RASGRP2: variants seen among roughly 807,000 people sequenced by gnomAD.
RASGRP2 encodes RAS guanyl-releasing protein 2.
Under a neutral mutation model 71.0 loss-of-function variants are expected in RASGRP2, and 44 were observed. The observed-to-expected ratio is 0.62, with a 90% CI of 0.49 to 0.80. The LOEUF (loss-of-function observed/expected upper bound fraction) is 0.80. Among genes scored for constraint, RASGRP2 ranks in the 30% least tolerant of loss-of-function variants. RASGRP2 has a pLI of 0.00. For missense variants in RASGRP2, 663 were observed against 813.4 expected (o/e 0.82, Z 2.25); for synonymous variants, 350 against 330.7 (o/e 1.06, Z -0.63).
At chr11:64,740,549 A>G in intron 5 of RASGRP2, 1 of 647,582 alleles carries the variant, frequency 1.5e-6, no homozygotes, top group Non-Finnish European at 2.9e-6. Context: ...TGGAAAACAG[A>G]GGTGGGAACG....
rs2058141091 is a variant in RASGRP2 at position 64,742,009 on chromosome 11, T to C, written c.176+1A>G. 4.4e-6 allele frequency: 7 copies of C among 1,606,932 alleles called. No individual in the cohort carries two copies. The highest frequency in any genetic ancestry group is 5.9e-6 in the Non-Finnish European group (7 of 1,176,620). On this transcript the variant is annotated splice_donor_variant, in intron 3 of 16. Transcript: ENST00000394432. LOFTEE classifies it high-confidence loss of function. This position sits in a 1 kb window ranked among gnomAD's most constrained non-coding sequence, Gnocchi z 4.7. ...GCCTTGGCAAGGCCGGCGAAGGATATATGTGGAGCAGCTTGGCCGCCAGCT... is the reference window on the plus strand; with the variant it reads ...GCCTTGGCAAGGCCGGCGAAGGATACATGTGGAGCAGCTTGGCCGCCAGCT...
chr11:64,726,996 C>T lies in RASGRP2; in HGVS notation c.*142G>A. ...CTGTACAACCTTAGGGACACCAGCC[C>T]TGGCCCTGCCCTCAGCTGCATGCCA... On this transcript the variant is annotated 3_prime_UTR_variant, in exon 17 of 17. Coordinates refer to ENST00000394432, the MANE Select transcript of RASGRP2 (RefSeq NM_001098671.2). 2 of 417,440 alleles carry T rather than the reference C, an allele frequency of 4.8e-6. No homozygotes were observed. The highest frequency in any genetic ancestry group is 4.3e-5 in the South Asian group (2 of 46,188). 25.9% of individuals were successfully genotyped at this position (417,440 alleles called of 1,614,324 possible).
rs188073054 is a variant in RASGRP2, at chr11:64,731,451, A to C, written c.1413-1257T>G. Among the ~76,000 whole-genome samples, 149 of 152,262 alleles carry C rather than the reference A, an allele frequency of 9.8e-4. No individual in the cohort carries two copies. The Middle Eastern group carries it at 0.01, about 10-fold the overall frequency. On this transcript the variant is annotated intron_variant, in intron 12 of 16. Transcript: ENST00000394432. ...CAGAACACAAATCCAAGAAGCCAGA[A>C]AGGAAAAGACTGACATATTGAGCAC...
Position 64,740,627 on chromosome 11 carries a change from T to C in RASGRP2, c.371+321A>G, listed in dbSNP as rs141481926. On this transcript the variant is annotated intron_variant, in intron 5 of 16. Transcript: ENST00000394432. ...GGAGACTTCATGCCTGAACTGAGTC[T>C]TGGTAACACGGAGGAGGCAGCAAGG... is the stretch of plus-strand genomic sequence containing the variant. The C allele has an allele frequency of 2.7e-3, 1,726 of 649,638 alleles. 9 individuals are homozygous for C. The highest frequency in any genetic ancestry group is 2.7e-3 in the Non-Finnish European group (955 of 352,784). The allele number at this position is 649,638 out of a possible 1,614,324, so 40.2% of individuals were successfully genotyped here.
At position 64,736,000 on chromosome 11, in the gene RASGRP2, T is replaced by A; in HGVS notation, c.1096-20A>T. On this transcript the variant is annotated intron_variant, in intron 9 of 16. Coordinates refer to ENST00000394432, the MANE Select transcript of RASGRP2 (RefSeq NM_001098671.2). The surrounding 1 kb of genome is among the most constrained non-coding windows in gnomAD (Gnocchi z 4.2). The stretch of plus-strand genomic sequence containing the variant: ...AGACACCTGGGACACACAGATCTGA[T>A]CACCCCCACTGGCCCCTGCCCACAG... 6.2e-7 allele frequency: 1 copy of A among 1,609,482 alleles called. No individual in the cohort carries two copies. The highest frequency in any genetic ancestry group is 8.5e-7 in the Non-Finnish European group (1 of 1,176,406).
rs1434956393 is a variant in RASGRP2, at chr11:64,735,012, A to G, written c.1412+100T>C. ...ACTGGCAGCTTCCCAGGCCAAGATC[A>G]TCTGGCTCAGTGACCTCATCTTGCA... On this transcript the variant is annotated intron_variant, in intron 12 of 16. Coordinates refer to ENST00000394432, the MANE Select transcript of RASGRP2 (RefSeq NM_001098671.2). This position sits in a 1 kb window ranked among gnomAD's most constrained non-coding sequence, Gnocchi z 4.2. 7 of 970,242 alleles carry G rather than the reference A, an allele frequency of 7.2e-6. No individual in the cohort carries two copies. The Admixed American group carries it at 1.3e-4, about 17-fold the overall frequency. 60.1% of individuals were successfully genotyped at this position (970,242 alleles called of 1,614,324 possible).
chr11:64,743,225 C>A lies in RASGRP2; in HGVS notation c.-71-288G>T, dbSNP rs1333398284. On this transcript the variant is annotated intron_variant, in intron 1 of 16. Transcript: ENST00000394432. The surrounding 1 kb of genome is among the most constrained non-coding windows in gnomAD (Gnocchi z 4.9). Reference sequence around the variant, plus strand: ...CCAGGACTGGCTGGCGCCCAGCCCCCCGCAGGGCGCCTTCTCCTCGCGCCC... The same window carrying A: ...CCAGGACTGGCTGGCGCCCAGCCCCACGCAGGGCGCCTTCTCCTCGCGCCC... 1.9e-6 allele frequency: 1 copy of A among 514,250 alleles called. No homozygotes were observed. The highest frequency in any genetic ancestry group is 3.8e-6 in the Non-Finnish European group (1 of 265,218). The allele number at this position is 514,250 out of a possible 1,614,324, so 31.9% of individuals were successfully genotyped here.
intron 12 of RASGRP2, among the ~76,000 whole-genome samples, chr11:64,730,867 G>A (rs765036305): frequency 6.6e-6 from 1 of 152,118 alleles, no homozygotes. Flanking sequence ...TAGGATTTTG[G>A]TGAGGATTAA....
In RASGRP2 at chr11:64,737,027, T is replaced by C; in HGVS notation, c.821A>G (p.Glu274Gly). 6.2e-7 allele frequency: 1 copy of C among 1,613,604 alleles called. No homozygotes were observed. Among genetic ancestry groups the C allele is most frequent in the African/African-American group, 1.3e-5 (1 of 74,942 alleles). The part of the protein sequence containing the change: ...HVSPETIKLW[E>G]GLTELVTATG... ...CGCCGTCACTAGTTCCGTGAGACCCTCCCAGAGCTGGGGACAAAGGACAGA... is the reference window on the plus strand; with the variant it reads ...CGCCGTCACTAGTTCCGTGAGACCCCCCCAGAGCTGGGGACAAAGGACAGA... The change falls in exon 9 of 17, where the codon GAG becomes GGG. Residue 274 changes from glutamate to glycine, a missense_variant. Glu to Gly is a moderately conservative substitution (Grantham distance 98). Transcript: ENST00000394432.
chr11:64,727,905 G>A (rs1213105561), intron 15 of RASGRP2, among the ~76,000 whole-genome samples: 5 of 152,164 alleles, frequency 3.3e-5, no homozygotes, highest in South Asian at 2.1e-4. Flanking sequence ...TTGCTTAAAT[G>A]TCAATTTTGT....
At chr11:64,741,846 G>A (rs1300262478) in intron 3 of RASGRP2, among the ~76,000 whole-genome samples, 164 bp downstream of exon 3, 1 of 152,184 alleles carries the variant, frequency 6.6e-6, no homozygotes, top group Non-Finnish European at 1.5e-5. Context: ...GGAGCAAGGA[G>A]GGGGCAGAGC....
At position 64,743,816 on chromosome 11, in the gene RASGRP2, C is replaced by T; in HGVS notation, c.-72+187G>A. 3.8e-6 allele frequency: 1 copy of T among 261,676 alleles called. No homozygotes were observed. The highest frequency in any genetic ancestry group is 7.0e-6 in the Non-Finnish European group (1 of 143,504). The allele number at this position is 261,676 out of a possible 1,614,324, so 16.2% of individuals were successfully genotyped here. ...CCGGTCACTGGCGGGGTCATACGCA[C>T]CCTGGCAGGGGCAAACACTCCACAC... On this transcript the variant is annotated intron_variant, in intron 1 of 16. Transcript: ENST00000394432. The surrounding 1 kb of genome is among the most constrained non-coding windows in gnomAD (Gnocchi z 4.9).
rs1049522242 is a variant in RASGRP2, at chr11:64,742,553, G to C, written c.73+241C>G. 13 of 607,764 alleles carry C rather than the reference G, an allele frequency of 2.1e-5. No individual in the cohort carries two copies. Among genetic ancestry groups the C allele is most frequent in the Non-Finnish European group, 3.8e-5 (13 of 343,368 alleles). 37.6% of individuals were successfully genotyped at this position (607,764 alleles called of 1,614,324 possible). A position where few individuals can be genotyped will look rare whatever the true frequency, so the allele number is the denominator to read the frequency against. ...TAATGCCCCTCAAGTGTCAGAGTCC[G>C]GGACCCGGCCCTCCCTTCGCCGCCG... On this transcript the variant is annotated intron_variant, in intron 2 of 16. Coordinates refer to ENST00000394432, the MANE Select transcript of RASGRP2 (RefSeq NM_001098671.2). This position sits in a 1 kb window ranked among gnomAD's most constrained non-coding sequence, Gnocchi z 4.7.
intron 4 of RASGRP2, 108 bp downstream of exon 4, chr11:64,741,331 G>A: frequency 7.7e-7 from 1 of 1,300,206 alleles, no homozygotes. Context: ...ACAAGCCAGG[G>A]TTCAAACCCA....
chr11:64,741,587 A>C (rs2058124505), intron 3 of RASGRP2, 86 bp from the exon 4 acceptor site: 1 of 1,212,644 alleles, frequency 8.2e-7, no homozygotes, highest in Non-Finnish European at 1.2e-6. Context: ...TGGTTCTAGG[A>C]GACACGTTCT....
chr11:64,730,857 T>C (rs1179044724), intron 12 of RASGRP2, among the ~76,000 whole-genome samples: 1 of 152,234 alleles, frequency 6.6e-6, no homozygotes, highest in East Asian at 1.9e-4. Flanking sequence ...CTACATTTCA[T>C]AGGATTTTGG....
At chr11:64,727,701 G>C (rs948930280) in intron 15 of RASGRP2, among the ~76,000 whole-genome samples, 1 of 151,968 alleles carries the variant, frequency 6.6e-6, no homozygotes, top group Non-Finnish European at 1.5e-5. Flanking sequence ...TTGTATTGTA[G>C]AGATGATGTT....
chr11:64,734,080 G>A (rs1313593303), intron 12 of RASGRP2, among the ~76,000 whole-genome samples: 1 of 151,910 alleles, frequency 6.6e-6, no homozygotes, highest in African/African-American at 2.4e-5. Flanking sequence ...GGGGGGCCAA[G>A]GCAGGTAGAT....
chr11:64,739,465 C>T lies in RASGRP2; in HGVS notation c.708G>A (p.Gln236=), dbSNP rs755407112. The T allele has an allele frequency of 2.5e-6, 4 of 1,614,168 alleles. No individual in the cohort carries two copies. The Admixed American group carries it at 5.0e-5, about 20-fold the overall frequency. The change falls in exon 8 of 17, where the codon CAG becomes CAA. Residue 236 remains glutamine (Q), a synonymous_variant. Coordinates refer to ENST00000394432, the MANE Select transcript of RASGRP2 (RefSeq NM_001098671.2). The surrounding 1 kb of genome is among the most constrained non-coding windows in gnomAD (Gnocchi z 4.2). ...CCATCAGCGTGTTGAAGTTCTGCAG[C>T]TGTAGCAGCTTCTGGAAGGCAAATG... ...HFVHVAEKLL[Q]LQNFNTLMAV...
Sources: allele counts gnomAD v4.1 joint callset (sites outside exome capture counted in the v4.1 genomes callset), GRCh38; gene constraint gnomAD v4.1.1; non-coding constraint Gnocchi (gnomAD v3.1); transcripts MANE v1.5; gene names NCBI Gene and HGNC (gene_info 2026-07-23, HGNC 2026-07-21).